Variants in TRAPPC9 observed in about 807,000 individuals in gnomAD.
The protein encoded by TRAPPC9 is IKK2 binding protein.
Under a neutral mutation model 124.0 loss-of-function variants are expected in TRAPPC9, and 83 were observed. That is an observed-to-expected ratio of 0.67 (90% CI 0.56 to 0.80). The LOEUF (loss-of-function observed/expected upper bound fraction) is 0.80, where lower values mean the gene tolerates loss of function less well. TRAPPC9 is among the 30% of genes least tolerant of loss of function. The pLI, the probability that TRAPPC9 is intolerant of heterozygous loss-of-function variation, is 0.00. For missense variants in TRAPPC9, 1,302 were observed against 1,508.3 expected (o/e 0.86, Z 2.27); for synonymous variants, 638 against 617.5 (o/e 1.03, Z -0.49).
At chr8:140,090,356 G>A (rs779421313) in intron 17 of TRAPPC9, among the ~76,000 whole-genome samples, 2 of 152,062 alleles carry the variant, frequency 1.3e-5, no homozygotes, top group Non-Finnish European at 1.5e-5. Context: ...CCTACCGCAC[G>A]CCACACCTGC....
chr8:139,827,486 G>A (rs1037559953), intron 21 of TRAPPC9, among the ~76,000 whole-genome samples: 3 of 152,238 alleles, frequency 2.0e-5, no homozygotes, highest in East Asian at 1.9e-4. Context: ...GCATTTAGAC[G>A]GGGCTAAGGG....
At chr8:140,449,126 C>G (rs2071370427) in intron 2 of TRAPPC9, among the ~76,000 whole-genome samples, 1 of 152,218 alleles carries the variant, frequency 6.6e-6, no homozygotes, top group Non-Finnish European at 1.5e-5. Flanking sequence ...GGATTTAAGA[C>G]TACTGTGTCT....
chr8:140,284,101 A>C (rs2065413310), intron 13 of TRAPPC9, 80 bp from the exon 14 acceptor site: 1 of 1,588,038 alleles, frequency 6.3e-7, no homozygotes, highest in Non-Finnish European at 8.6e-7. Context: ...TGCGAAGAGT[A>C]CGGGGCTCCT....
rs540671348 is a variant in TRAPPC9, at chr8:139,781,195, A to G, written c.3056-48993T>C. 2.6e-5 allele frequency among the ~76,000 whole-genome samples: 4 copies of G among 152,350 alleles called. No homozygotes were observed. The East Asian group carries it at 5.8e-4, about 22-fold the overall frequency. The stretch of plus-strand genomic sequence containing the variant: ...AAATGAGTTGAAAATTTATGTCTAC[A>G]CAAAAACCTACATGTGGATGTTTAG... On this transcript the variant is annotated intron_variant, in intron 21 of 22. Coordinates refer to ENST00000438773, the MANE Select transcript of TRAPPC9 (RefSeq NM_001160372.4).
intron 19 of TRAPPC9, among the ~76,000 whole-genome samples, chr8:139,946,351 T>G (rs998760132): frequency 6.6e-6 from 1 of 152,196 alleles, no homozygotes; most frequent in Non-Finnish European, 1.5e-5. Context: ...ATGCACTCAA[T>G]GGATTCCGTA....
chr8:139,848,795 T>C (rs1351417432), intron 21 of TRAPPC9, among the ~76,000 whole-genome samples: 1 of 152,196 alleles, frequency 6.6e-6, no homozygotes, highest in African/African-American at 2.4e-5. Context: ...GTAGGCAGCC[T>C]TCCCTTGGCT....
intron 21 of TRAPPC9, among the ~76,000 whole-genome samples, chr8:139,852,259 A>G (rs974891032): frequency 2.6e-5 from 4 of 152,166 alleles, no homozygotes; most frequent in Non-Finnish European, 5.9e-5. Context: ...CTTTTTAAAG[A>G]CATGCCCAGT....
rs559514130 is a variant in TRAPPC9 at position 139,847,704 on chromosome 8, G to A, written c.3055+38175C>T. Among the ~76,000 whole-genome samples, 595 of 151,084 alleles carry A rather than the reference G, an allele frequency of 3.9e-3. 1 individual carries two copies. Among genetic ancestry groups the A allele is most frequent in the Middle Eastern group, 0.021 (6 of 290 alleles). On this transcript the variant is annotated intron_variant, in intron 21 of 22. Coordinates refer to ENST00000438773, the MANE Select transcript of TRAPPC9 (RefSeq NM_001160372.4). ...CTGCCTTCCCGACGGCCCGGCCTGT[G>A]GATGGGCATGAGCACCTGCCCCCCT... is the stretch of plus-strand genomic sequence containing the variant.
chr8:139,970,612 G>C (rs78840247), intron 19 of TRAPPC9, among the ~76,000 whole-genome samples: 7,319 of 152,158 alleles, frequency 0.048, 612 homozygotes, highest in African/African-American at 0.17. Context: ...TCACTCACAA[G>C]AGGGAAGAAA....
chr8:140,184,304 A>G (rs988875065), intron 17 of TRAPPC9, among the ~76,000 whole-genome samples: 2 of 151,626 alleles, frequency 1.3e-5, no homozygotes, highest in Non-Finnish European at 2.9e-5. Context: ...ACACACAAGG[A>G]AAAAAAAAGA....
At chr8:140,160,121 G>C (rs1402711249) in intron 17 of TRAPPC9, among the ~76,000 whole-genome samples, 1 of 152,188 alleles carries the variant, frequency 6.6e-6, no homozygotes, top group Non-Finnish European at 1.5e-5. Context: ...AGTTAGAATG[G>C]TGATCATTAA....
At chr8:139,780,477 C>T (rs1821727799) in intron 21 of TRAPPC9, among the ~76,000 whole-genome samples, 1 of 152,124 alleles carries the variant, frequency 6.6e-6, no homozygotes, top group East Asian at 1.9e-4. Flanking sequence ...CATCCACATA[C>T]AAAGAAATTA....
At chr8:140,352,565 C>T (rs1258170628) in intron 9 of TRAPPC9, among the ~76,000 whole-genome samples, 1 of 152,110 alleles carries the variant, frequency 6.6e-6, no homozygotes, top group Non-Finnish European at 1.5e-5. Context: ...CTGGGCTGAA[C>T]ATTAAACGCG....
At chr8:140,288,332 T>A (rs1382195159) in intron 12 of TRAPPC9, among the ~76,000 whole-genome samples, 1 of 152,166 alleles carries the variant, frequency 6.6e-6, no homozygotes. Flanking sequence ...TGAGACCCTA[T>A]CTCAATCAAT....
chr8:139,898,257 G>A (rs774626653), intron 20 of TRAPPC9, among the ~76,000 whole-genome samples: 6 of 152,222 alleles, frequency 3.9e-5, no homozygotes, highest in Non-Finnish European at 7.3e-5. Context: ...TCACTTCCAC[G>A]GTAGCGCCAG....
chr8:139,909,008 C>A (rs1831537123), intron 20 of TRAPPC9, among the ~76,000 whole-genome samples: 1 of 152,200 alleles, frequency 6.6e-6, no homozygotes, highest in African/African-American at 2.4e-5. Flanking sequence ...TTGTCACAAA[C>A]TCCTTGGAGA....
intron 17 of TRAPPC9, among the ~76,000 whole-genome samples, chr8:140,131,250 G>A (rs1182224538): frequency 1.3e-5 from 2 of 152,178 alleles, no homozygotes; most frequent in Non-Finnish European, 2.9e-5. Flanking sequence ...GAATCACTGG[G>A]TAATAGGGTA....
rs1376560589 is a variant in TRAPPC9 at position 139,728,691 on chromosome 8, T to TG, written c.*2369dup. Among the ~76,000 whole-genome samples the TG allele has an allele frequency of 6.6e-6, 1 of 152,120 alleles. No individual in the cohort carries two copies. Among genetic ancestry groups the TG allele is most frequent in the African/African-American group, 2.4e-5 (1 of 41,430 alleles). On this transcript the variant is annotated 3_prime_UTR_variant, in exon 23 of 23. Transcript: ENST00000438773. ...CTCTACTGGGACAGAAAGGGTGCCC[T>TG]GGGGGTGGGGAAGGGCCTGGGGCTG... is the stretch of plus-strand genomic sequence containing the variant.
intron 3 of TRAPPC9, among the ~76,000 whole-genome samples, chr8:140,435,666 C>T (rs2070787568): frequency 6.6e-6 from 1 of 152,232 alleles, no homozygotes; most frequent in African/African-American, 2.4e-5. Context: ...AAATATTTCA[C>T]AGTAATAGCA....
Sources: gnomAD v4.1 joint callset for allele counts (sites outside exome capture counted in the v4.1 genomes callset) on GRCh38, gnomAD v4.1.1 for gene constraint, MANE v1.5 for transcripts, NCBI Gene and HGNC (gene_info 2026-07-23, HGNC 2026-07-21) for gene names.